The following CAMK2B variants were observed in gnomAD, a reference collection of about 807,000 sequenced individuals.
CAMK2B encodes the protein calcium/calmodulin dependent protein kinase II beta.
In CAMK2B, 27 loss-of-function variants were observed where a neutral mutation model predicts 93.7. That is an observed-to-expected ratio of 0.29 (90% CI 0.21 to 0.40). The LOEUF (loss-of-function observed/expected upper bound fraction) is 0.40. CAMK2B is among the 10% of genes least tolerant of loss of function. The pLI is 1.00. For synonymous variants in CAMK2B, 374 were observed against 358.8 expected (o/e 1.04, Z -0.48); for missense variants, 568 against 895.8 (o/e 0.63, Z 4.67).
chr7:44,229,268 G>C (rs2096554271), intron 18 of CAMK2B, 120 bp downstream of exon 18: 9 of 674,408 alleles, frequency 1.3e-5, no homozygotes, highest in Non-Finnish European at 2.3e-5. Flanking sequence ...AGGGATTGTG[G>C]GGTGATGAGG....
At chr7:44,309,630 G>A (rs1411566754) in intron 1 of CAMK2B, among the ~76,000 whole-genome samples, 2 of 152,192 alleles carry the variant, frequency 1.3e-5, no homozygotes, top group Non-Finnish European at 2.9e-5. Flanking sequence ...GTGCGGTGGG[G>A]TCGGGACTCT....
rs1266768096 is a variant in CAMK2B at position 44,311,698 on chromosome 7, A to G, written c.65+13659T>C. ...TTCTGAGCTGTGTCATCCTTCACACAGGACCCCCACCGCCCCAGCTCTGGG... is the reference window on the plus strand; with the variant it reads ...TTCTGAGCTGTGTCATCCTTCACACGGGACCCCCACCGCCCCAGCTCTGGG... On this transcript the variant is annotated intron_variant, in intron 1 of 23. Coordinates refer to ENST00000395749, the MANE Select transcript of CAMK2B (RefSeq NM_001220.5). This position sits in a 1 kb window ranked among gnomAD's most constrained non-coding sequence, Gnocchi z 4.2. Among the ~76,000 whole-genome samples the G allele has an allele frequency of 6.6e-5, 10 of 152,162 alleles. No homozygotes were observed. The highest frequency in any genetic ancestry group is 2.2e-4 in the African/African-American group (9 of 41,454).
In CAMK2B at chr7:44,241,903, G is replaced by A. The variant is rs1049051437; in HGVS notation, c.820-120C>T. 13 of 787,298 alleles carry A rather than the reference G, an allele frequency of 1.7e-5. No homozygotes were observed. The East Asian group carries it at 1.7e-4, about 11-fold the overall frequency. 48.8% of individuals were successfully genotyped at this position (787,298 alleles called of 1,614,324 possible). On this transcript the variant is annotated intron_variant, in intron 10 of 23. Transcript: ENST00000395749. ...GCCAAGAGCCACCGGCCACCATTGC[G>A]GCAAGGGTTGTCTGTCCCCACCCGC...
intron 1 of CAMK2B, among the ~76,000 whole-genome samples, chr7:44,309,759 G>A (rs184530657): frequency 4.0e-4 from 61 of 152,376 alleles, no homozygotes; most frequent in Admixed American, 3.3e-3. Context: ...CCAAAAGCCA[G>A]AGACACCAGC....
chr7:44,304,599 G>A (rs1410918878), intron 1 of CAMK2B, among the ~76,000 whole-genome samples: 1 of 152,196 alleles, frequency 6.6e-6, no homozygotes, highest in African/African-American at 2.4e-5. Context: ...GTTGGGTGGA[G>A]GGAGAGACAA....
chr7:44,240,452 C>T (rs578051273), intron 12 of CAMK2B, among the ~76,000 whole-genome samples: 21 of 152,358 alleles, frequency 1.4e-4, no homozygotes, highest in Admixed American at 2.6e-4. Context: ...GCAGCACAGA[C>T]GCTCGTGTTC....
rs1583771554 is a variant in CAMK2B at position 44,225,969 on chromosome 7, G to C, written c.1597+547C>G. The C allele has an allele frequency of 8.2e-7, 1 of 1,219,684 alleles. No individual in the cohort carries two copies. Among genetic ancestry groups the C allele is most frequent in the Non-Finnish European group, 1.1e-6 (1 of 940,658 alleles). 75.6% of individuals were successfully genotyped at this position (1,219,684 alleles called of 1,614,324 possible). On this transcript the variant is annotated intron_variant, in intron 20 of 23. Coordinates refer to ENST00000395749, the MANE Select transcript of CAMK2B (RefSeq NM_001220.5). The surrounding 1 kb of genome is among the most constrained non-coding windows in gnomAD (Gnocchi z 5.0). ...TGGCTCCTCCCTGGCCGGGGAGGCT[G>C]CCCAGCCTGTGCTTCCTGTCCCGCC...
chr7:44,290,642 G>T (rs950371302), intron 1 of CAMK2B, among the ~76,000 whole-genome samples: 1 of 152,194 alleles, frequency 6.6e-6, no homozygotes, highest in African/African-American at 2.4e-5. Flanking sequence ...GTATTTATTT[G>T]TGTGTTGGCT....
intron 1 of CAMK2B, among the ~76,000 whole-genome samples, chr7:44,305,872 T>C (rs552407240): frequency 1.3e-5 from 2 of 152,318 alleles, no homozygotes; most frequent in East Asian, 3.9e-4. Context: ...AGCCAGCTGA[T>C]GTCATGTTGT....
At chr7:44,232,363 A>T (rs1387805605) in intron 16 of CAMK2B, among the ~76,000 whole-genome samples, 1 of 152,180 alleles carries the variant, frequency 6.6e-6, no homozygotes, top group East Asian at 1.9e-4. Flanking sequence ...CAGAGTGATG[A>T]TGCCAATGTG....
chr7:44,256,079 C>A (rs2129016491), intron 4 of CAMK2B, among the ~76,000 whole-genome samples: 1 of 152,318 alleles, frequency 6.6e-6, no homozygotes, highest in South Asian at 2.1e-4. Flanking sequence ...CAGCACCTGG[C>A]ATGTGACCTG....
chr7:44,288,376 G>A (rs1047766885), intron 1 of CAMK2B, among the ~76,000 whole-genome samples: 1 of 152,210 alleles, frequency 6.6e-6, no homozygotes, highest in Non-Finnish European at 1.5e-5. Flanking sequence ...TCTAGGGTGT[G>A]GACCATCCCA....
In CAMK2B at chr7:44,292,145, G is replaced by A. The variant is rs534520854; in HGVS notation, c.66-7920C>T. 1.2e-4 allele frequency among the ~76,000 whole-genome samples: 19 copies of A among 152,194 alleles called. No homozygotes were observed. In the South Asian group the frequency reaches 3.9e-3, roughly 32 times the overall value. On this transcript the variant is annotated intron_variant, in intron 1 of 23. Transcript: ENST00000395749. ...TTCCATACCTCTCTCCTGGATTCCG[G>A]TGCTGCCTGCAATCCTTGGTGCTAG...
At chr7:44,230,819 C>G (rs1562824167) in intron 17 of CAMK2B, among the ~76,000 whole-genome samples, 187 bp downstream of exon 17, 1 of 152,196 alleles carries the variant, frequency 6.6e-6, no homozygotes, top group Non-Finnish European at 1.5e-5. Flanking sequence ...TGCCATGCTT[C>G]TCCGCTCTGG....
chr7:44,261,364 C>A (rs897066292), intron 3 of CAMK2B, among the ~76,000 whole-genome samples: 2 of 152,256 alleles, frequency 1.3e-5, no homozygotes, highest in Admixed American at 1.3e-4. Context: ...ATGCCCCCCG[C>A]AGAACCCCCA....
intron 20 of CAMK2B, among the ~76,000 whole-genome samples, chr7:44,221,485 G>C (rs372030516): frequency 6.7e-6 from 1 of 149,876 alleles, no homozygotes; most frequent in African/African-American, 2.6e-5. Context: ...GAAGCAGCAG[G>C]GGGCGGCCAC....
intron 2 of CAMK2B, among the ~76,000 whole-genome samples, chr7:44,277,618 A>G (rs2097059826): frequency 6.6e-6 from 1 of 152,150 alleles, no homozygotes; most frequent in Non-Finnish European, 1.5e-5. Context: ...AGGCCCCTCC[A>G]CTGGCGCTAG....
intron 3 of CAMK2B, among the ~76,000 whole-genome samples, chr7:44,260,445 A>T (rs1012644390): frequency 1.3e-5 from 2 of 152,176 alleles, no homozygotes; most frequent in African/African-American, 4.8e-5. Flanking sequence ...AGGGCAGGCC[A>T]GGCCCCAGAA....
intron 6 of CAMK2B, among the ~76,000 whole-genome samples, chr7:44,245,419 A>G (rs997156150): frequency 2.0e-5 from 3 of 152,178 alleles, no homozygotes; most frequent in Non-Finnish European, 4.4e-5. Flanking sequence ...CCTCAACAGG[A>G]GGTTGAGACA....
Sources: allele counts gnomAD v4.1 joint callset (sites outside exome capture counted in the v4.1 genomes callset), GRCh38; gene constraint gnomAD v4.1.1; non-coding constraint Gnocchi (gnomAD v3.1); transcripts MANE v1.5; gene names NCBI Gene and HGNC (gene_info 2026-07-23, HGNC 2026-07-21).